VMP1: variants seen among roughly 807,000 people sequenced by gnomAD.
VMP1 encodes ectopic P-granules autophagy protein 3 homolog.
A neutral mutation model predicts 56.0 loss-of-function variants in VMP1; 11 were observed. The observed-to-expected ratio is 0.20, with a 90% confidence interval of 0.12 to 0.32. The LOEUF is 0.32. Ranked by LOEUF, VMP1 falls within the 10% of genes least tolerant of loss-of-function variation. The pLI is 1.00. For synonymous variants in VMP1, 149 were observed against 165.0 expected (o/e 0.90, Z 0.74); for missense variants, 296 against 490.3 (o/e 0.60, Z 3.74).
intron 7 of VMP1, among the ~76,000 whole-genome samples, chr17:59,790,566 G>T (rs1280562320): frequency 6.6e-6 from 1 of 152,158 alleles, no homozygotes; most frequent in Non-Finnish European, 1.5e-5. Context: ...GAGGCAGGTG[G>T]ATCACTTGAG....
chr17:59,712,965 A>T (rs2033987810), intron 1 of VMP1, among the ~76,000 whole-genome samples: 1 of 152,172 alleles, frequency 6.6e-6, no homozygotes, highest in Non-Finnish European at 1.5e-5. Flanking sequence ...AGCAAAGAAG[A>T]TGGACAGTTG....
intron 7 of VMP1, among the ~76,000 whole-genome samples, chr17:59,805,876 T>C (rs185386745): frequency 8.5e-5 from 13 of 152,256 alleles, no homozygotes; most frequent in African/African-American, 3.1e-4. Context: ...AAATAAAATT[T>C]GTATGCTTTT....
chr17:59,729,029 A>G (rs2034717343), intron 1 of VMP1, among the ~76,000 whole-genome samples: 1 of 152,220 alleles, frequency 6.6e-6, no homozygotes, highest in African/African-American at 2.4e-5. Context: ...GGGAATCATA[A>G]CAAGTAGTCT....
intron 7 of VMP1, among the ~76,000 whole-genome samples, chr17:59,806,604 G>T (rs2144200666): frequency 6.6e-6 from 1 of 151,334 alleles, no homozygotes; most frequent in East Asian, 2.0e-4. Context: ...AATCCCAGCT[G>T]CTCAGGAGGC....
intron 1 of VMP1, among the ~76,000 whole-genome samples, chr17:59,711,208 C>T (rs561057019): frequency 2.1e-4 from 31 of 150,814 alleles, no homozygotes; most frequent in African/African-American, 6.8e-4. Flanking sequence ...ATATATAGAG[C>T]CATTTCTCTA....
chr17:59,838,452 C>T (rs2039055552), intron 11 of VMP1, 55 bp downstream of exon 11: 1 of 1,554,018 alleles, frequency 6.4e-7, no homozygotes. Context: ...GCTGAAATTA[C>T]ATTCACAGCT....
chr17:59,774,941 A>AATT (rs1353210364), intron 7 of VMP1, among the ~76,000 whole-genome samples: 1 of 137,546 alleles, frequency 7.3e-6, no homozygotes, highest in Non-Finnish European at 1.6e-5. Context: ...TACAAAAAAA[A>AATT]TTTTTTTTTT....
chr17:59,801,110 ATATGTGTGTGTG>A (rs1343828647), intron 7 of VMP1, among the ~76,000 whole-genome samples: 2,217 of 109,696 alleles, frequency 0.02, 138 homozygotes, highest in African/African-American at 0.093. Flanking sequence ...ATATATATAT[ATATGTGTGTGTG>A]TGTGTGTGTG....
chr17:59,781,110 A>G (rs1304896182), intron 7 of VMP1, among the ~76,000 whole-genome samples: 1 of 152,202 alleles, frequency 6.6e-6, no homozygotes, highest in Non-Finnish European at 1.5e-5. Context: ...CCGGTTTTCC[A>G]TGTTATAAAT....
chr17:59,727,293 C>T (rs1366345001), intron 1 of VMP1, among the ~76,000 whole-genome samples: 2 of 151,946 alleles, frequency 1.3e-5, no homozygotes, highest in African/African-American at 4.8e-5. Flanking sequence ...CGCCACCATG[C>T]CTGGCTATTT....
At chr17:59,753,766 A>T (rs923608281) in intron 5 of VMP1, among the ~76,000 whole-genome samples, 6 of 152,214 alleles carry the variant, frequency 3.9e-5, no homozygotes, top group Middle Eastern at 3.2e-3. Flanking sequence ...ATACCCAAAT[A>T]TTTAGCTATA....
chr17:59,766,925 A>G (rs1012150537), intron 6 of VMP1, among the ~76,000 whole-genome samples: 12 of 151,880 alleles, frequency 7.9e-5, no homozygotes, highest in African/African-American at 2.7e-4. Flanking sequence ...GATTACAGGC[A>G]CCCGCCACCA....
At chr17:59,791,559 C>T (rs2037230742) in intron 7 of VMP1, among the ~76,000 whole-genome samples, 1 of 149,612 alleles carries the variant, frequency 6.7e-6, no homozygotes, top group South Asian at 2.1e-4. Flanking sequence ...ACTCCTCTGC[C>T]TCCCTGGTTC....
intron 9 of VMP1, among the ~76,000 whole-genome samples, chr17:59,814,296 G>C (rs976640643): frequency 1.3e-5 from 2 of 152,074 alleles, no homozygotes; most frequent in Admixed American, 6.6e-5. Flanking sequence ...TTTTTTTATG[G>C]AACTTCACAC....
chr17:59,817,748 G>A lies in VMP1; in HGVS notation c.949G>A (p.Val317Met). ...FVIITFSKHIVEQMVAFIGAV... is the reference protein window; with the variant it reads ...FVIITFSKHIMEQMVAFIGAV... ...TATAATAACATTCAGCAAGCACATA[G>A]TGGAGCAAATGGTGGCTTTCATTGG... Residue 317 changes from valine (V) to methionine (M), a missense_variant, in exon 10 of 12, where the codon GTG (valine) becomes ATG (methionine). Around this residue, in one of 4 missense-constraint regions of VMP1, gnomAD observed 95 missense variants for 137.6 expected, o/e 0.69. Coordinates refer to ENST00000262291, the MANE Select transcript of VMP1 (RefSeq NM_030938.5). The A allele has an allele frequency of 6.2e-7, 1 of 1,608,474 alleles. No homozygotes were observed. Among genetic ancestry groups the A allele is most frequent in the Non-Finnish European group, 8.5e-7 (1 of 1,177,528 alleles).
At chr17:59,777,623 C>A (rs945177477) in intron 7 of VMP1, among the ~76,000 whole-genome samples, 1 of 151,972 alleles carries the variant, frequency 6.6e-6, no homozygotes, top group African/African-American at 2.4e-5. Context: ...ACCAGCCTGG[C>A]CAACATGGTG....
At chr17:59,816,405 T>G (rs1267504920) in intron 9 of VMP1, among the ~76,000 whole-genome samples, 4 of 152,338 alleles carry the variant, frequency 2.6e-5, no homozygotes, top group Middle Eastern at 6.8e-3. Flanking sequence ...CTTCATAATA[T>G]TCACATACCA....
intron 4 of VMP1, 80 bp downstream of exon 4, chr17:59,737,623 G>T: frequency 7.9e-7 from 1 of 1,262,332 alleles, no homozygotes; most frequent in Non-Finnish European, 1.1e-6. Flanking sequence ...GATGAATGTG[G>T]GTTTTATAGA....
chr17:59,822,167 C>T (rs1176318938), intron 10 of VMP1, among the ~76,000 whole-genome samples: 1 of 151,836 alleles, frequency 6.6e-6, no homozygotes, highest in Non-Finnish European at 1.5e-5. Flanking sequence ...ATATATTAAA[C>T]AGTATAAATA....
Sources: allele counts gnomAD v4.1 joint callset (sites outside exome capture counted in the v4.1 genomes callset), GRCh38; gene constraint gnomAD v4.1.1; regional missense constraint gnomAD v4.1.1; transcripts MANE v1.5; gene names NCBI Gene and HGNC (gene_info 2026-07-23, HGNC 2026-07-21).